Variants in DIP2B observed in about 807,000 individuals in gnomAD.
The protein encoded by DIP2B is disco-interacting protein 2 homolog B.
A neutral mutation model predicts 198.0 loss-of-function variants in DIP2B; 76 were observed. That is an observed-to-expected ratio of 0.38 (90% confidence interval 0.32 to 0.46). The LOEUF (loss-of-function observed/expected upper bound fraction) is 0.46, where lower values mean the gene tolerates loss of function less well. Among genes scored for constraint, DIP2B ranks in the 20% least tolerant of loss-of-function variants. DIP2B has a pLI of 0.99. For missense variants in DIP2B, 1,559 were observed against 1,978.4 expected (o/e 0.79, Z 4.02); for synonymous variants, 701 against 739.1 (o/e 0.95, Z 0.84).
At chr12:50,570,419 G>C (rs896816459) in intron 1 of DIP2B, among the ~76,000 whole-genome samples, 8 of 152,212 alleles carry the variant, frequency 5.3e-5, no homozygotes, top group African/African-American at 1.9e-4. Flanking sequence ...TAAAGATACA[G>C]GCAGTAAATG....
At position 50,695,937 on chromosome 12, in the gene DIP2B, A is replaced by G; in HGVS notation, c.1903A>G (p.Met635Val). 1 of 1,614,080 alleles carries G rather than the reference A, an allele frequency of 6.2e-7. No individual in the cohort carries two copies. The highest frequency in any genetic ancestry group is 8.5e-7 in the Non-Finnish European group (1 of 1,179,942). ...QRDVSLSSLR[M>V]LIVTDGANPW... The stretch of plus-strand genomic sequence containing the variant: ...AGACGTGAGCTTGAGTTCCCTCCGA[A>G]TGTTAATTGTGACTGATGGAGCTAA... The change falls in exon 16 of 38, where the codon ATG (methionine) becomes GTG (valine). Residue 635 changes from methionine to valine, a missense_variant. Coordinates refer to ENST00000301180, the MANE Select transcript of DIP2B (RefSeq NM_173602.3).
At chr12:50,587,332 GAC>G (rs1365476305) in intron 1 of DIP2B, among the ~76,000 whole-genome samples, 1 of 152,074 alleles carries the variant, frequency 6.6e-6, no homozygotes, top group African/African-American at 2.4e-5. Flanking sequence ...ACAGCCTTTA[GAC>G]CACCCTCTTG....
chr12:50,737,957 A>G (rs948913584), intron 35 of DIP2B, among the ~76,000 whole-genome samples: 6 of 152,256 alleles, frequency 3.9e-5, no homozygotes, highest in Admixed American at 3.3e-4. Flanking sequence ...TAAGTGCAGG[A>G]GCCAGATGAC....
chr12:50,591,079 A>AC (rs1325708974), intron 1 of DIP2B, among the ~76,000 whole-genome samples: 2 of 152,182 alleles, frequency 1.3e-5, no homozygotes, highest in Non-Finnish European at 2.9e-5. Flanking sequence ...GAGGGCCCTT[A>AC]CCAGACACCA....
chr12:50,627,854 A>G (rs2139471925), intron 2 of DIP2B, among the ~76,000 whole-genome samples: 1 of 152,312 alleles, frequency 6.6e-6, no homozygotes, highest in Admixed American at 6.5e-5. Flanking sequence ...TCCTGATGCC[A>G]CACTTCCAAC....
chr12:50,592,620 G>A (rs150260913), intron 1 of DIP2B, among the ~76,000 whole-genome samples: 10,824 of 152,078 alleles, frequency 0.071, 818 homozygotes, highest in East Asian at 0.36. Context: ...TGGGATTACA[G>A]GCACACGCCA....
chr12:50,593,720 C>CCT (rs1958843265), intron 1 of DIP2B, among the ~76,000 whole-genome samples: 1 of 3,974 alleles, frequency 2.5e-4, no homozygotes, highest in Non-Finnish European at 3.9e-4. Flanking sequence ...CCTCTCCTCT[C>CCT]CTCTCCTCTC....
At chr12:50,741,305 G>A in intron 36 of DIP2B, 111 bp from the exon 37 acceptor site, 1 of 1,351,598 alleles carries the variant, frequency 7.4e-7, no homozygotes, top group Non-Finnish European at 9.9e-7. Context: ...TACACAGTTG[G>A]TAGGGGCAGA....
rs369336595 is a variant in DIP2B, at chr12:50,729,357, G to A, written c.3641+679G>A. ...TAATCAAATGTATGTCCTTTGGCTC[G>A]GTTGTGCTACACCTGTATGTACATA... On this transcript the variant is annotated intron_variant, in intron 30 of 37. Coordinates refer to ENST00000301180, the MANE Select transcript of DIP2B (RefSeq NM_173602.3). 1.8e-4 allele frequency among the ~76,000 whole-genome samples: 28 copies of A among 152,172 alleles called. 2 individuals are homozygous for A. The South Asian group carries it at 5.0e-3, about 27-fold the overall frequency.
chr12:50,653,405 A>G (rs1938496537), intron 3 of DIP2B, among the ~76,000 whole-genome samples: 1 of 131,716 alleles, frequency 7.6e-6, no homozygotes, highest in Non-Finnish European at 1.5e-5. Context: ...CAGTGGTGCA[A>G]TTATGGCTCA....
intron 7 of DIP2B, among the ~76,000 whole-genome samples, chr12:50,677,929 C>T (rs1171995248): frequency 6.6e-6 from 1 of 151,542 alleles, no homozygotes; most frequent in Non-Finnish European, 1.5e-5. Flanking sequence ...AAAAGAAGTC[C>T]TTAGGATGCT....
chr12:50,687,951 C>T (rs1053967027), intron 12 of DIP2B, among the ~76,000 whole-genome samples: 1 of 150,380 alleles, frequency 6.6e-6, no homozygotes, highest in African/African-American at 2.4e-5. Context: ...CATTGGTTCA[C>T]GCCTGTAATC....
chr12:50,592,170 C>A lies in DIP2B; in HGVS notation c.101-33806C>A, dbSNP rs575191914. On this transcript the variant is annotated intron_variant, in intron 1 of 37. Transcript: ENST00000301180. Reference sequence around the variant, plus strand: ...CTGGGATGACAGGCGTGAGCCACTGCGCCCAGCCGATCTTTATTTTTATTT... The same window carrying A: ...CTGGGATGACAGGCGTGAGCCACTGAGCCCAGCCGATCTTTATTTTTATTT... 2.6e-5 allele frequency among the ~76,000 whole-genome samples: 4 copies of A among 152,090 alleles called. No individual in the cohort carries two copies. In the East Asian group the frequency reaches 5.8e-4, roughly 22 times the overall value.
rs1939026350 is a variant in DIP2B at position 50,680,707 on chromosome 12, A to T, written c.1150A>T (p.Thr384Ser). Residue 384 changes from threonine to serine, a missense_variant, in exon 9 of 38, where the codon ACA (threonine) becomes TCA (serine). Thr to Ser is a moderately conservative substitution (Grantham distance 58). Transcript: ENST00000301180. ...GAGCAGAAGTTTAAAGTTGGCCTAC[A>T]CACTTCTTAATAAACTGGGGACCAA... Reference protein sequence around the residue: ...LWSRSLKLAYTLLNKLGTKNE... With the variant: ...LWSRSLKLAYSLLNKLGTKNE... The T allele has an allele frequency of 3.7e-6, 6 of 1,613,704 alleles. No individual in the cohort carries two copies. Among genetic ancestry groups the T allele is most frequent in the Non-Finnish European group, 5.1e-6 (6 of 1,179,914 alleles).
At chr12:50,550,149 T>C (rs11832315) in intron 1 of DIP2B, among the ~76,000 whole-genome samples, 41,646 of 152,062 alleles carry the variant, frequency 0.27, 6,417 homozygotes, top group Non-Finnish European at 0.35. Flanking sequence ...CTGTGAATTT[T>C]GCTTTTTGGA....
chr12:50,526,626 C>CTT (rs11423846), intron 1 of DIP2B, among the ~76,000 whole-genome samples: 1,447 of 64,162 alleles, frequency 0.023, 441 homozygotes, highest in Admixed American at 0.029. Context: ...TTTCCTCTGC[C>CTT]TTTTTTTTTT....
chr12:50,511,297 T>TTTTTTTTTTTG (rs2139339406), intron 1 of DIP2B, among the ~76,000 whole-genome samples: 2 of 114,930 alleles, frequency 1.7e-5, no homozygotes, highest in South Asian at 6.5e-4. Context: ...TTCTATTTTT[T>TTTTTTTTTTTG]TTTTTTTTTT....
intron 1 of DIP2B, among the ~76,000 whole-genome samples, chr12:50,540,496 C>T (rs1195828130): frequency 6.7e-6 from 1 of 150,184 alleles, no homozygotes; most frequent in Non-Finnish European, 1.5e-5. Flanking sequence ...ATAGCAGTCT[C>T]AAATGAGGTA....
chr12:50,632,945 TAA>T (rs79461135), intron 2 of DIP2B, among the ~76,000 whole-genome samples: 2,008 of 148,252 alleles, frequency 0.014, 49 homozygotes, highest in African/African-American at 0.046. Context: ...TTTTTTTTCT[TAA>T]AAAAAAAAAT....
Sources: gnomAD v4.1 joint callset for allele counts (sites outside exome capture counted in the v4.1 genomes callset) on GRCh38, gnomAD v4.1.1 for gene constraint, MANE v1.5 for transcripts, NCBI Gene and HGNC (gene_info 2026-07-23, HGNC 2026-07-21) for gene names.